The following ETNK1 variants were observed in gnomAD, a reference collection of about 807,000 sequenced individuals.
ETNK1 encodes the protein ethanolamine kinase 1, also known as putative protein product of Nbla10396.
Under a neutral mutation model 45.1 loss-of-function variants are expected in ETNK1, and 8 were observed. The observed-to-expected ratio is 0.18, with a 90% CI of 0.10 to 0.32. The LOEUF is 0.32. ETNK1 is among the 10% of genes least tolerant of loss of function. ETNK1 has a pLI of 1.00. For missense variants in ETNK1, 302 were observed against 430.6 expected (o/e 0.70, Z 2.64); for synonymous variants, 152 against 151.9 (o/e 1.00, Z -0.01).
chr12:22,677,276 C>T (rs1954171492), intron 6 of ETNK1, among the ~76,000 whole-genome samples: 1 of 152,102 alleles, frequency 6.6e-6, no homozygotes, highest in East Asian at 1.9e-4. Flanking sequence ...AATTTTTTCC[C>T]CATTGCTTGT....
At chr12:22,635,970 G>A (rs1370441935) in intron 1 of ETNK1, among the ~76,000 whole-genome samples, 2 of 152,036 alleles carry the variant, frequency 1.3e-5, no homozygotes, top group African/African-American at 4.8e-5. Context: ...TTGATTCCAG[G>A]AATTCAAGAT....
chr12:22,684,375 G>C, intron 6 of ETNK1, 108 bp from the exon 7 acceptor site: 1 of 731,748 alleles, frequency 1.4e-6, no homozygotes, highest in Non-Finnish European at 2.3e-6. Context: ...AGAACAGCAA[G>C]AAAGTGTGGT....
chr12:22,659,542 C>T (rs546080166), intron 3 of ETNK1, among the ~76,000 whole-genome samples: 1 of 152,292 alleles, frequency 6.6e-6, no homozygotes, highest in East Asian at 1.9e-4. Flanking sequence ...GAGATTAAAT[C>T]TTAGTCCTGC....
rs200970162 is a variant in ETNK1, at chr12:22,647,037, A to G, written c.416+3015A>G. Among the ~76,000 whole-genome samples the G allele has an allele frequency of 3.3e-5, 5 of 151,852 alleles. No individual in the cohort carries two copies. In the East Asian group the frequency reaches 5.8e-4, roughly 18 times the overall value. On this transcript the variant is annotated intron_variant, in intron 2 of 7. Transcript: ENST00000266517. Reference sequence around the variant, plus strand: ...TAGCCTGTAGGAGGTGAGGAATGGTATAGGTAAAGACAATGAGCTATAGTG... The same window carrying G: ...TAGCCTGTAGGAGGTGAGGAATGGTGTAGGTAAAGACAATGAGCTATAGTG...
At chr12:22,633,679 T>C (rs761372132) in intron 1 of ETNK1, among the ~76,000 whole-genome samples, 1 of 152,212 alleles carries the variant, frequency 6.6e-6, no homozygotes, top group African/African-American at 2.4e-5. Context: ...TTAAAATAAA[T>C]TTTTAATTTC....
intron 3 of ETNK1, among the ~76,000 whole-genome samples, 183 bp downstream of exon 3, chr12:22,659,337 C>T (rs186003213): frequency 3.2e-4 from 48 of 152,266 alleles, no homozygotes; most frequent in African/African-American, 1.1e-3. Context: ...CTCCATCCCC[C>T]TCAGTGTCCC....
chr12:22,651,798 G>T (rs1953879816), intron 2 of ETNK1, among the ~76,000 whole-genome samples: 1 of 149,476 alleles, frequency 6.7e-6, no homozygotes, highest in African/African-American at 2.5e-5. Flanking sequence ...TGATTCTCCT[G>T]CATCAGCCTC....
At chr12:22,663,543 T>C (rs898874567) in intron 4 of ETNK1, among the ~76,000 whole-genome samples, 73 of 150,844 alleles carry the variant, frequency 4.8e-4, no homozygotes, top group African/African-American at 1.7e-3. Context: ...ATTTTCACTT[T>C]TTTATTTAAG....
chr12:22,648,794 C>T (rs969208985), intron 2 of ETNK1, among the ~76,000 whole-genome samples: 2 of 151,980 alleles, frequency 1.3e-5, no homozygotes, highest in African/African-American at 4.8e-5. Flanking sequence ...TAATAAACCG[C>T]CGAACTGTTT....
intron 4 of ETNK1, among the ~76,000 whole-genome samples, chr12:22,668,517 AT>A (rs983421586): frequency 5.3e-5 from 8 of 150,736 alleles, no homozygotes; most frequent in African/African-American, 9.7e-5. Flanking sequence ...GTTAATGCAG[AT>A]TTTTTTTTTA....
chr12:22,658,632 A>G (rs1403740746), intron 2 of ETNK1, among the ~76,000 whole-genome samples: 2 of 152,208 alleles, frequency 1.3e-5, no homozygotes, highest in East Asian at 3.8e-4. Context: ...CCCAACTCCA[A>G]ATACAGCATG....
At chr12:22,675,815 A>G (rs1954155036) in intron 6 of ETNK1, among the ~76,000 whole-genome samples, 2 of 152,214 alleles carry the variant, frequency 1.3e-5, no homozygotes, top group South Asian at 4.1e-4. Flanking sequence ...AAAAAGATAA[A>G]GGACAATTGA....
At chr12:22,681,079 ATTTT>A (rs1954210747) in intron 6 of ETNK1, among the ~76,000 whole-genome samples, 1 of 152,036 alleles carries the variant, frequency 6.6e-6, no homozygotes, top group South Asian at 2.1e-4. Flanking sequence ...AGAATTTATT[ATTTT>A]TTTGGATGTA....
intron 1 of ETNK1, among the ~76,000 whole-genome samples, chr12:22,638,231 T>C (rs561757387): frequency 5.8e-4 from 87 of 151,234 alleles, no homozygotes; most frequent in African/African-American, 1.8e-3. Flanking sequence ...TTTTTCCCCC[T>C]TTTTAACCTG....
intron 1 of ETNK1, among the ~76,000 whole-genome samples, chr12:22,640,270 T>C (rs1306489972): frequency 6.6e-6 from 1 of 152,164 alleles, no homozygotes; most frequent in Non-Finnish European, 1.5e-5. Context: ...TTTACTAGCT[T>C]AGTAGTATAC....
At chr12:22,670,641 A>G (rs1462764481) in intron 4 of ETNK1, among the ~76,000 whole-genome samples, 2 of 152,322 alleles carry the variant, frequency 1.3e-5, no homozygotes, top group African/African-American at 4.8e-5. Flanking sequence ...TGCTTTTTGT[A>G]AGATAAAACC....
rs920848347 is a variant in ETNK1, at chr12:22,690,191, A to C, written c.*5237A>C. The stretch of plus-strand genomic sequence containing the variant: ...CTTTGTATATAATGTAAGTGCTACA[A>C]ATAGTCTCAGCACTGAAAATGTATT... On this transcript the variant is annotated 3_prime_UTR_variant, in exon 8 of 8. Transcript: ENST00000266517. 1 of 152,520 alleles carries C rather than the reference A, an allele frequency of 6.6e-6. No homozygotes were observed. Among genetic ancestry groups the C allele is most frequent in the Non-Finnish European group, 1.5e-5 (1 of 67,928 alleles). The allele number at this position is 152,520 out of a possible 1,614,324, so 9.4% of individuals were successfully genotyped here. A position where few individuals can be genotyped will look rare whatever the true frequency, so the allele number is the denominator to read the frequency against.
At chr12:22,656,955 CCTCTT>C (rs1397901687) in intron 2 of ETNK1, 2 of 367,694 alleles carry the variant, frequency 5.4e-6, no homozygotes, top group Non-Finnish European at 7.5e-6. Context: ...TTTGTTTCCT[CCTCTT>C]CTCTGAAGTT....
rs187364222 is a variant in ETNK1, at chr12:22,686,102, A to T, written c.*1148A>T. The T allele has an allele frequency of 1.3e-5, 2 of 152,490 alleles. No homozygotes were observed. The highest frequency in any genetic ancestry group is 4.8e-5 in the African/African-American group (2 of 41,558). The allele number at this position is 152,490 out of a possible 1,614,324, so 9.4% of individuals were successfully genotyped here. ...TTAGGGCATTGATCTTGTACACTTA[A>T]AATCTGACAAATGACAAAATGTGAA... is the stretch of plus-strand genomic sequence containing the variant. On this transcript the variant is annotated 3_prime_UTR_variant, in exon 8 of 8. Transcript: ENST00000266517.
Sources: allele counts gnomAD v4.1 joint callset (sites outside exome capture counted in the v4.1 genomes callset), GRCh38; gene constraint gnomAD v4.1.1; transcripts MANE v1.5; gene names NCBI Gene and HGNC (gene_info 2026-07-23, HGNC 2026-07-21).